ARHGAP1: variants seen among roughly 807,000 people sequenced by gnomAD.
ARHGAP1 encodes rho GTPase-activating protein 1.
ARHGAP1 carries 23 observed loss-of-function variants against 52.2 expected under a neutral mutation model. The ratio of observed to expected loss-of-function variants is 0.44; its 90% confidence interval spans 0.32 to 0.62. The LOEUF is 0.62. Ranked by LOEUF, ARHGAP1 falls within the 20% of genes least tolerant of loss-of-function variation. The pLI is 0.05. For missense variants in ARHGAP1, 480 were observed against 560.9 expected, an observed-to-expected ratio of 0.86 and a Z score of 1.46; for synonymous variants, 210 against 228.4, an observed-to-expected ratio of 0.92 and a Z score of 0.73.
chr11:46,682,096 G>A lies in ARHGAP1; in HGVS notation c.404C>T (p.Pro135Leu), dbSNP rs1253204952. The A allele has an allele frequency of 1.9e-6, 3 of 1,614,180 alleles. No homozygotes were observed. ...GGCATCACGGAGCCAGCTGAGGGAG[G>A]GCTTGTTGTCGCTGGTCAGGCCGTG... ...LHHGLTSDNK[P>L]SLSWLRDAYR... The change falls in exon 5 of 13, where the codon CCC (proline) becomes CTC (leucine). Residue 135 changes from proline to leucine, a missense_variant. Pro to Leu is a moderately conservative substitution (Grantham distance 98). Transcript: ENST00000311956.
At chr11:46,698,099 A>C (rs1044471155) in intron 1 of ARHGAP1, among the ~76,000 whole-genome samples, 9 of 152,186 alleles carry the variant, frequency 5.9e-5, no homozygotes, top group African/African-American at 2.2e-4. Flanking sequence ...CTTTCTGCAC[A>C]AAGTAGGTGC....
intron 4 of ARHGAP1, among the ~76,000 whole-genome samples, chr11:46,683,449 A>G (rs2134481271): frequency 6.6e-6 from 1 of 152,192 alleles, no homozygotes; most frequent in South Asian, 2.1e-4. Flanking sequence ...GTGGCCAGAG[A>G]GTCACCTGCT....
At position 46,679,483 on chromosome 11, in the gene ARHGAP1, G is replaced by C; in HGVS notation, c.1028-15C>G. The C allele has an allele frequency of 6.2e-7, 1 of 1,613,020 alleles. No homozygotes were observed. The highest frequency in any genetic ancestry group is 8.5e-7 in the Non-Finnish European group (1 of 1,179,202). ...TTCATCAATGTCTATGAGGAAAGGAGGCCCGGGTTATAGGGGCCCTAGGCT... is the reference window on the plus strand; with the variant it reads ...TTCATCAATGTCTATGAGGAAAGGACGCCCGGGTTATAGGGGCCCTAGGCT... On this transcript the variant is annotated splice_polypyrimidine_tract_variant and intron_variant, in intron 11 of 12. Transcript: ENST00000311956. The surrounding 1 kb of genome is among the most constrained non-coding windows in gnomAD (Gnocchi z 4.4).
chr11:46,680,786 C>A lies in ARHGAP1; in HGVS notation c.636-39G>T. 1 of 1,431,114 alleles carries A rather than the reference C, an allele frequency of 7.0e-7. No homozygotes were observed. The highest frequency in any genetic ancestry group is 9.4e-7 in the Non-Finnish European group (1 of 1,060,802). The allele number at this position is 1,431,114 out of a possible 1,614,324, so 88.7% of individuals were successfully genotyped here. ...GGGAGGTGGGTCAGGTCCTGCCTGG[C>A]TCTGGAGTCACTCTGCCAATTCAAT... On this transcript the variant is annotated intron_variant, in intron 7 of 12. Coordinates refer to ENST00000311956, the MANE Select transcript of ARHGAP1 (RefSeq NM_004308.5). The surrounding 1 kb of genome is among the most constrained non-coding windows in gnomAD (Gnocchi z 5.9).
chr11:46,691,776 C>T (rs1304573861), intron 3 of ARHGAP1, among the ~76,000 whole-genome samples: 2 of 152,052 alleles, frequency 1.3e-5, no homozygotes, highest in African/African-American at 2.4e-5. Context: ...TTAGTAGAGA[C>T]AGGGTTTCAC....
intron 4 of ARHGAP1, among the ~76,000 whole-genome samples, chr11:46,684,248 T>C (rs1268801042): frequency 1.3e-5 from 2 of 152,160 alleles, no homozygotes; most frequent in African/African-American, 2.4e-5. Flanking sequence ...CATAAAGAGA[T>C]TGCATTTTGC....
chr11:46,681,166 C>T lies in ARHGAP1; in HGVS notation c.537-57G>A. ...GGGCCCGCTTCCGGTGGCCTCCACT[C>T]TCCCCTCAACACCCACCCAGTTCAG... is the stretch of plus-strand genomic sequence containing the variant. On this transcript the variant is annotated intron_variant, in intron 6 of 12. Transcript: ENST00000311956. This position sits in a 1 kb window ranked among gnomAD's most constrained non-coding sequence, Gnocchi z 5.7. 3 of 1,552,074 alleles carry T rather than the reference C, an allele frequency of 1.9e-6. No individual in the cohort carries two copies. The highest frequency in any genetic ancestry group is 1.1e-5 in the South Asian group (1 of 89,712).
intron 3 of ARHGAP1, among the ~76,000 whole-genome samples, chr11:46,689,019 G>A (rs1431758418): frequency 2.0e-5 from 3 of 151,486 alleles, no homozygotes; most frequent in Admixed American, 6.6e-5. Context: ...GGGAGGCGGA[G>A]GTTGCAGTGA....
chr11:46,684,482 A>AG (rs1033021845), intron 4 of ARHGAP1, among the ~76,000 whole-genome samples: 1 of 152,166 alleles, frequency 6.6e-6, no homozygotes, highest in African/African-American at 2.4e-5. Flanking sequence ...ATTTTATGAT[A>AG]GGGAAAAAAA....
chr11:46,685,012 C>T (rs894459547), intron 4 of ARHGAP1, among the ~76,000 whole-genome samples: 4 of 147,108 alleles, frequency 2.7e-5, no homozygotes, highest in African/African-American at 1.0e-4. Context: ...CGCTTGAACT[C>T]AGGAGGTGGA....
At position 46,681,066 on chromosome 11, in the gene ARHGAP1, C is replaced by T. The variant is rs115951462; in HGVS notation, c.580G>A (p.Glu194Lys). 9 of 1,614,076 alleles carry T rather than the reference C, an allele frequency of 5.6e-6. No individual in the cohort carries two copies. Among genetic ancestry groups the T allele is most frequent in the South Asian group, 2.2e-5 (2 of 91,092 alleles). Residue 194 changes from glutamate to lysine, a missense_variant, in exon 7 of 13, where the codon GAG becomes AAG. Glu to Lys is a moderately conservative substitution (Grantham distance 56). Transcript: ENST00000311956. The surrounding 1 kb of genome is among the most constrained non-coding windows in gnomAD (Gnocchi z 5.7). ...QKIFYVNYLS[E>K]LSEHVKLEQL... Reference sequence around the variant, plus strand: ...TCCAGCTTCACGTGCTCGCTCAGCTCGCTCAGGTAATTCACATAGAAGATC... The same window carrying T: ...TCCAGCTTCACGTGCTCGCTCAGCTTGCTCAGGTAATTCACATAGAAGATC...
rs2064500256 is a variant in ARHGAP1, at chr11:46,678,743, AG to A, written c.*293del. 2.5e-6 allele frequency: 1 copy of A among 401,676 alleles called. No individual in the cohort carries two copies. The highest frequency in any genetic ancestry group is 4.5e-6 in the Non-Finnish European group (1 of 222,542). 24.9% of individuals were successfully genotyped at this position (401,676 alleles called of 1,614,324 possible). On this transcript the variant is annotated 3_prime_UTR_variant, in exon 13 of 13. Transcript: ENST00000311956. ...AAACAGAGGCAGGAAAAAGCAGGAA[AG>A]GGGTTACTGGGGCTCAGTCCTTCTC...
rs1050256807 is a variant in ARHGAP1, at chr11:46,688,251, T to G, written c.239A>C (p.Lys80Thr). ...HQIVEVAGDDKYGRKIIVFSA... is the reference protein window; with the variant it reads ...HQIVEVAGDDTYGRKIIVFSA... ...AAACACAATGATCTTCCGCCCATAC[T>G]TGTCATCTCCTAGGTGTGGAGAAAG... Residue 80 changes from lysine to threonine, a missense_variant, in exon 4 of 13, where the codon AAG (lysine) becomes ACG (threonine). Lys to Thr is a moderately conservative substitution (Grantham distance 78). Transcript: ENST00000311956. 6.2e-7 allele frequency: 1 copy of G among 1,613,606 alleles called. No homozygotes were observed. The highest frequency in any genetic ancestry group is 1.3e-5 in the African/African-American group (1 of 74,908).
rs1188790366 is a variant in ARHGAP1, at chr11:46,681,940, C to A, written c.449+111G>T. On this transcript the variant is annotated intron_variant, in intron 5 of 12. Coordinates refer to ENST00000311956, the MANE Select transcript of ARHGAP1 (RefSeq NM_004308.5). The surrounding 1 kb of genome is among the most constrained non-coding windows in gnomAD (Gnocchi z 5.7). ...CTTTACATTGACGTAGACGGCAGCCCCCGCCACCCCCTGCCTTGGAATAAG... is the reference window on the plus strand; with the variant it reads ...CTTTACATTGACGTAGACGGCAGCCACCGCCACCCCCTGCCTTGGAATAAG... The A allele has an allele frequency of 6.7e-7, 1 of 1,485,884 alleles. No individual in the cohort carries two copies. The highest frequency in any genetic ancestry group is 1.9e-5 in the Admixed American group (1 of 54,022). 92.0% of individuals were successfully genotyped at this position (1,485,884 alleles called of 1,614,324 possible).
chr11:46,695,713 TTCAGG>T lies in ARHGAP1; in HGVS notation c.171_175del (p.His57GlnfsTer4). ...GATGTCATAGTATGGGTCATCCCAC[TTCAGG>T]TGTGTGACAAGTTCCGGGGAGCTGC... On this transcript the variant is annotated frameshift_variant, in exon 3 of 13. Coordinates refer to ENST00000311956, the MANE Select transcript of ARHGAP1 (RefSeq NM_004308.5). LOFTEE classifies it high-confidence loss of function. The T allele has an allele frequency of 1.3e-6, 2 of 1,552,116 alleles. No individual in the cohort carries two copies. Among genetic ancestry groups the T allele is most frequent in the Non-Finnish European group, 1.7e-6 (2 of 1,147,126 alleles).
At chr11:46,699,825 C>A (rs772496711) in intron 1 of ARHGAP1, among the ~76,000 whole-genome samples, 3 of 152,108 alleles carry the variant, frequency 2.0e-5, no homozygotes, top group Non-Finnish European at 2.9e-5. Flanking sequence ...TAGAGCTTCA[C>A]GGTTTACAAA....
At chr11:46,685,902 C>T (rs1232828820) in intron 4 of ARHGAP1, among the ~76,000 whole-genome samples, 1 of 151,444 alleles carries the variant, frequency 6.6e-6, no homozygotes, top group East Asian at 1.9e-4. Flanking sequence ...TCTCAATCTC[C>T]TGACCTCATG....
chr11:46,680,752 A>G lies in ARHGAP1; in HGVS notation c.636-5T>C. 6.5e-7 allele frequency: 1 copy of G among 1,537,262 alleles called. No individual in the cohort carries two copies. On this transcript the variant is annotated splice_region_variant and splice_polypyrimidine_tract_variant and intron_variant, in intron 7 of 12. Coordinates refer to ENST00000311956, the MANE Select transcript of ARHGAP1 (RefSeq NM_004308.5). The surrounding 1 kb of genome is among the most constrained non-coding windows in gnomAD (Gnocchi z 5.9). ...GATTTCAGGAAGTCGTCATATCTGT[A>G]GGAGTAGAGGGAGGTGGGTCAGGTC...
chr11:46,693,589 T>C (rs1296666211), intron 3 of ARHGAP1, among the ~76,000 whole-genome samples: 1 of 152,012 alleles, frequency 6.6e-6, no homozygotes, highest in Non-Finnish European at 1.5e-5. Context: ...GTTATTATTT[T>C]TGTAGAGACA....
Sources: gnomAD v4.1 joint callset for allele counts (sites outside exome capture counted in the v4.1 genomes callset) on GRCh38, gnomAD v4.1.1 for gene constraint, Gnocchi (gnomAD v3.1) non-coding constraint, MANE v1.5 for transcripts, NCBI Gene and HGNC (gene_info 2026-07-23, HGNC 2026-07-21) for gene names.